GAA: variants seen among roughly 807,000 people sequenced by gnomAD.
The protein encoded by GAA is lysosomal alpha-glucosidase.
A neutral mutation model predicts 103.9 loss-of-function variants in GAA; 88 were observed. The ratio of observed to expected loss-of-function variants is 0.85; its 90% confidence interval spans 0.71 to 1.01. GAA has a LOEUF of 1.01. GAA is among the 50% of genes least tolerant of loss of function. The pLI is 0.00. For missense variants in GAA, 1,350 were observed against 1,305.3 expected (o/e 1.03, Z -0.53); for synonymous variants, 572 against 563.1 (o/e 1.02, Z -0.22).
At chr17:80,107,994 G>A in intron 5 of GAA, 98 bp downstream of exon 5, 1 of 1,227,080 alleles carries the variant, frequency 8.1e-7, no homozygotes, top group Non-Finnish European at 1.2e-6. Flanking sequence ...GCACGGTGCT[G>A]GGCCTTGTGT....
At chr17:80,108,104 C>A (rs1410858524) in intron 5 of GAA, among the ~76,000 whole-genome samples, 186 bp from the exon 6 acceptor site, 1 of 152,214 alleles carries the variant, frequency 6.6e-6, no homozygotes, top group East Asian at 1.9e-4. Context: ...TGGGCTGGCA[C>A]CACATATCTT....
Position 80,108,696 on chromosome 17 carries a change from G to T in GAA, c.1195-1G>T. On this transcript the variant is annotated splice_acceptor_variant, in intron 7 of 19. Coordinates refer to ENST00000302262, the MANE Select transcript of GAA (RefSeq NM_000152.5). LOFTEE classifies it high-confidence loss of function. ...CAGACGGTCCCGTGTTGTGGCTGCA[G>T]GACGTCCAGTGGAACGACCTGGACT... 6.2e-7 allele frequency: 1 copy of T among 1,612,744 alleles called. No individual in the cohort carries two copies. The highest frequency in any genetic ancestry group is 1.1e-5 in the South Asian group (1 of 91,076).
At position 80,107,968 on chromosome 17, in the gene GAA, G is replaced by A. The variant is rs1010194384; in HGVS notation, c.955+72G>A. ...TGCCTGCCCTGGAGACTGGAGGTCC[G>A]CATGAGGGGCCCTGGGCACGGTGCT... On this transcript the variant is annotated intron_variant, in intron 5 of 19. Transcript: ENST00000302262. The A allele has an allele frequency of 5.3e-5, 74 of 1,394,640 alleles. No individual in the cohort carries two copies. In the African/African-American group the frequency reaches 7.0e-4, roughly 13 times the overall value. The allele number at this position is 1,394,640 out of a possible 1,614,324, so 86.4% of individuals were successfully genotyped here. A position where few individuals can be genotyped will look rare whatever the true frequency, so the allele number is the denominator to read the frequency against.
At chr17:80,117,352 C>T (rs1278475816) in intron 16 of GAA, among the ~76,000 whole-genome samples, 1 of 152,238 alleles carries the variant, frequency 6.6e-6, no homozygotes, top group Non-Finnish European at 1.5e-5. Context: ...AGTCCCACGG[C>T]CATCACAGGC....
intron 16 of GAA, 42 bp from the exon 17 acceptor site, chr17:80,117,558 C>T: frequency 6.2e-7 from 1 of 1,611,786 alleles, no homozygotes; most frequent in South Asian, 1.1e-5. Context: ...GCATGGGGGC[C>T]TCGGCACGGC....
intron 14 of GAA, 39 bp downstream of exon 14, chr17:80,113,066 A>AC: frequency 1.3e-6 from 2 of 1,566,548 alleles, no homozygotes; most frequent in Non-Finnish European, 1.7e-6. Flanking sequence ...GGGCGATCCC[A>AC]CCCACCCAAG....
rs1022892088 is a variant in GAA at position 80,113,481 on chromosome 17, G to A, written c.2189+115G>A. On this transcript the variant is annotated intron_variant, in intron 15 of 19. Transcript: ENST00000302262. ...GTTCCCCAGGACCCAGCAGGTTGCC[G>A]CTGAGTGAGACAACATTTGGGCCTG... 41 of 1,013,606 alleles carry A rather than the reference G, an allele frequency of 4.0e-5. No homozygotes were observed. In the East Asian group the frequency reaches 5.1e-4, roughly 13 times the overall value. 62.8% of individuals were successfully genotyped at this position (1,013,606 alleles called of 1,614,324 possible). A position where few individuals can be genotyped will look rare whatever the true frequency, so the allele number is the denominator to read the frequency against.
chr17:80,108,712 G>A lies in GAA; in HGVS notation c.1210G>A (p.Asp404Asn), dbSNP rs141533320. 2.5e-5 allele frequency: 40 copies of A among 1,612,576 alleles called. No homozygotes were observed. Among genetic ancestry groups the A allele is most frequent in the East Asian group, 8.9e-5 (4 of 44,872 alleles). ...AHFPLDVQWN[D>N]LDYMDSRRDF... ...GTGGCTGCAGGACGTCCAGTGGAAC[G>A]ACCTGGACTACATGGACTCCCGGAG... The change falls in exon 8 of 20, where the codon GAC becomes AAC. Residue 404 changes from aspartate (D) to asparagine (N), a missense_variant. By Grantham distance (23) the Asp-to-Asn change is conservative. Coordinates refer to ENST00000302262, the MANE Select transcript of GAA (RefSeq NM_000152.5).
rs1261709869 is a variant in GAA at position 80,104,920 on chromosome 17, C to G, written c.334C>G (p.Pro112Ala). The change falls in exon 2 of 20, where the codon CCT becomes GCT. Residue 112 changes from proline to alanine, a missense_variant. Coordinates refer to ENST00000302262, the MANE Select transcript of GAA (RefSeq NM_000152.5). The surrounding 1 kb of genome is among the most constrained non-coding windows in gnomAD (Gnocchi z 4.0). ...QCEARGCCYI[P>A]AKQGLQGAQM... ...CGAGGCCCGCGGCTGTTGCTACATCCCTGCAAAGCAGGGGCTGCAGGGAGC... is the reference window on the plus strand; with the variant it reads ...CGAGGCCCGCGGCTGTTGCTACATCGCTGCAAAGCAGGGGCTGCAGGGAGC... 1 of 1,612,382 alleles carries G rather than the reference C, an allele frequency of 6.2e-7. No individual in the cohort carries two copies. The highest frequency in any genetic ancestry group is 8.5e-7 in the Non-Finnish European group (1 of 1,179,788).
intron 18 of GAA, 74 bp from the exon 19 acceptor site, chr17:80,118,579 T>C: frequency 6.4e-7 from 1 of 1,568,322 alleles, no homozygotes; most frequent in East Asian, 2.2e-5. Flanking sequence ...CCTGTTCTCA[T>C]GGGTGTTCCT....
At chr17:80,113,069 C>T (rs1235439801) in intron 14 of GAA, 42 bp downstream of exon 14, 1 of 1,574,098 alleles carries the variant, frequency 6.4e-7, no homozygotes, top group South Asian at 1.1e-5. Flanking sequence ...CGATCCCACC[C>T]ACCCAAGACT....
At position 80,110,072 on chromosome 17, in the gene GAA, G is replaced by C; in HGVS notation, c.1437+17G>C. On this transcript the variant is annotated intron_variant, in intron 9 of 19. Coordinates refer to ENST00000302262, the MANE Select transcript of GAA (RefSeq NM_000152.5). ...ATTGGGAAGGTAGGGCGAGGGTCCA[G>C]GGGACGGGGGTTAGAAAGCAGAGGC... 1.2e-6 allele frequency: 2 copies of C among 1,601,714 alleles called. No homozygotes were observed. Among genetic ancestry groups the C allele is most frequent in the Non-Finnish European group, 1.7e-6 (2 of 1,169,718 alleles).
In GAA at chr17:80,119,720, C is replaced by T. The variant is rs905497782; in HGVS notation, c.*389C>T. ...GGTATGCACCTGAGCTCCTGCTTCG[C>T]GCCTGCTGCTCTGCCCCAACGCGAC... On this transcript the variant is annotated 3_prime_UTR_variant, in exon 20 of 20. Coordinates refer to ENST00000302262, the MANE Select transcript of GAA (RefSeq NM_000152.5). 1 of 304,594 alleles carries T rather than the reference C, an allele frequency of 3.3e-6. No homozygotes were observed. The highest frequency in any genetic ancestry group is 4.3e-5 in the Admixed American group (1 of 23,274). 18.9% of individuals were successfully genotyped at this position (304,594 alleles called of 1,614,324 possible).
Position 80,117,627 on chromosome 17 carries a change from C to T in GAA, c.2359C>T (p.Pro787Ser). 6.2e-7 allele frequency: 1 copy of T among 1,612,810 alleles called. No homozygotes were observed. The highest frequency in any genetic ancestry group is 1.1e-5 in the South Asian group (1 of 91,080). The change falls in exon 17 of 20, where the codon CCA (proline) becomes TCA (serine). Residue 787 changes from proline (P) to serine (S), a missense_variant. Coordinates refer to ENST00000302262, the MANE Select transcript of GAA (RefSeq NM_000152.5). ...TVPVEALGSL[P>S]PPPAAPREPA... is the part of the protein sequence containing the mutation. ...GCCAGTAGAGGCCCTTGGCAGCCTC[C>T]CACCCCCACCTGCAGCTCCCCGTGA...
intron 8 of GAA, 49 bp downstream of exon 8, chr17:80,108,877 C>T (rs1321261188): frequency 6.5e-7 from 1 of 1,545,256 alleles, no homozygotes; most frequent in Non-Finnish European, 8.8e-7. Flanking sequence ...CGCCCGGTGC[C>T]CAGTGGCTCC....
In GAA at chr17:80,104,809, C is replaced by T. The variant is rs755561471; in HGVS notation, c.223C>T (p.Pro75Ser). The T allele has an allele frequency of 9.3e-6, 15 of 1,612,262 alleles. No individual in the cohort carries two copies. The South Asian group carries it at 1.5e-4, about 17-fold the overall frequency. The change falls in exon 2 of 20, where the codon CCC becomes TCC. Residue 75 changes from proline (P) to serine (S), a missense_variant. By Grantham distance (74) the Pro-to-Ser change is moderately conservative. Coordinates refer to ENST00000302262, the MANE Select transcript of GAA (RefSeq NM_000152.5). This position sits in a 1 kb window ranked among gnomAD's most constrained non-coding sequence, Gnocchi z 4.0. The part of the protein sequence containing the change: ...PRDAQAHPGR[P>S]RAVPTQCDVP... The stretch of plus-strand genomic sequence containing the variant: ...GGATGCCCAGGCACACCCCGGCCGT[C>T]CCAGAGCAGTGCCCACACAGTGCGA...
intron 12 of GAA, 84 bp downstream of exon 12, chr17:80,112,184 A>T (rs1042843856): frequency 1.3e-5 from 18 of 1,400,300 alleles, no homozygotes; most frequent in Non-Finnish European, 1.3e-5. Context: ...CTCAGGGAGG[A>T]GGAAAAGCGG....
Position 80,112,376 on chromosome 17 carries a change from G to T in GAA, c.1755-202G>T, listed in dbSNP as rs942521091. On this transcript the variant is annotated intron_variant, in intron 12 of 19. Transcript: ENST00000302262. ...CTCATGACTCCTGTGAGGCTGGGGGGGGTCCTGGCTCACCTACAGGCATCA... is the reference window on the plus strand; with the variant it reads ...CTCATGACTCCTGTGAGGCTGGGGGTGGTCCTGGCTCACCTACAGGCATCA... 6.0e-5 allele frequency: 41 copies of T among 681,330 alleles called. 1 individual carries two copies. The highest frequency in any genetic ancestry group is 9.1e-5 in the South Asian group (5 of 54,740). 42.2% of individuals were successfully genotyped at this position (681,330 alleles called of 1,614,324 possible).
intron 12 of GAA, 43 bp downstream of exon 12, chr17:80,112,143 C>G: frequency 6.4e-7 from 1 of 1,570,598 alleles, no homozygotes; most frequent in Admixed American, 1.7e-5. Context: ...CCCTCACAGC[C>G]TGTCCTACAA....
Sources: allele counts gnomAD v4.1 joint callset (sites outside exome capture counted in the v4.1 genomes callset), GRCh38; gene constraint gnomAD v4.1.1; non-coding constraint Gnocchi (gnomAD v3.1); transcripts MANE v1.5; gene names NCBI Gene and HGNC (gene_info 2026-07-23, HGNC 2026-07-21).